Variants in DROSHA observed in about 807,000 individuals in gnomAD.
DROSHA encodes ribonuclease 3.
In DROSHA, 56 loss-of-function variants were observed where a neutral mutation model predicts 181.9. The ratio of observed to expected loss-of-function variants is 0.31; its 90% CI spans 0.25 to 0.38. The LOEUF is 0.38. DROSHA is among the 10% of genes least tolerant of loss of function. DROSHA has a pLI of 1.00. For missense variants in DROSHA, 1,218 were observed against 1,743.5 expected (o/e 0.70, Z 5.37); for synonymous variants, 524 against 591.2 (o/e 0.89, Z 1.65).
At chr5:31,510,066 C>A (rs1564380) in intron 9 of DROSHA, among the ~76,000 whole-genome samples, 68,447 of 120,956 alleles carry the variant, frequency 0.57, 19,973 homozygotes, top group Non-Finnish European at 0.69. Context: ...AAAAAAAAAA[C>A]AGACCTAGAA....
intron 18 of DROSHA, 120 bp downstream of exon 18, chr5:31,467,819 A>G: frequency 7.7e-7 from 1 of 1,306,908 alleles, no homozygotes; most frequent in Non-Finnish European, 1.0e-6. Context: ...AATTGGAAGT[A>G]TGGCTCATTT....
At chr5:31,435,399 T>G (rs1744671210) in intron 25 of DROSHA, among the ~76,000 whole-genome samples, 1 of 152,208 alleles carries the variant, frequency 6.6e-6, no homozygotes, top group Admixed American at 6.5e-5. Flanking sequence ...TAATGTAAAT[T>G]AAAAACAAAT....
chr5:31,458,625 G>T (rs994134234), intron 20 of DROSHA, among the ~76,000 whole-genome samples: 2 of 152,036 alleles, frequency 1.3e-5, no homozygotes, highest in East Asian at 1.9e-4. Flanking sequence ...ACTTAAATCT[G>T]GTCAGTGCTA....
At chr5:31,513,476 C>T (rs566802288) in intron 8 of DROSHA, among the ~76,000 whole-genome samples, 1 of 152,312 alleles carries the variant, frequency 6.6e-6, no homozygotes, top group South Asian at 2.1e-4. Context: ...ACTAAGACAA[C>T]ATGAGAAGCA....
chr5:31,421,429 CAA>C, intron 29 of DROSHA, 52 bp from the exon 30 acceptor site: 1 of 1,370,022 alleles, frequency 7.3e-7, no homozygotes, highest in East Asian at 2.3e-5. Context: ...TATGGATTTC[CAA>C]AAAAACACCC....
intron 13 of DROSHA, among the ~76,000 whole-genome samples, chr5:31,489,270 C>T (rs1046683267): frequency 6.6e-5 from 10 of 152,176 alleles, no homozygotes; most frequent in Non-Finnish European, 1.3e-4. Context: ...TTCTTCCTTG[C>T]TATCATAGGA....
intron 23 of DROSHA, among the ~76,000 whole-genome samples, chr5:31,442,197 T>C (rs1745678298): frequency 6.6e-6 from 1 of 152,246 alleles, no homozygotes; most frequent in Admixed American, 6.5e-5. Context: ...GTCTGCCATT[T>C]ATTAAATAAT....
rs1033359102 is a variant in DROSHA, at chr5:31,511,272, G to A, written c.1291-96C>T. The A allele has an allele frequency of 1.8e-4, 216 of 1,181,424 alleles. No homozygotes were observed. In the African/African-American group the frequency reaches 3.0e-3, roughly 16 times the overall value. The allele number at this position is 1,181,424 out of a possible 1,614,324, so 73.2% of individuals were successfully genotyped here. On this transcript the variant is annotated intron_variant, in intron 8 of 35. Coordinates refer to ENST00000344624, the MANE Select transcript of DROSHA (RefSeq NM_001382508.1). ...ACAGGTAATCAAAGCATTTTTAACAGCAAGATGCTATTTTTCAACCCTAAA... is the reference window on the plus strand; with the variant it reads ...ACAGGTAATCAAAGCATTTTTAACAACAAGATGCTATTTTTCAACCCTAAA...
chr5:31,443,843 G>C (rs150462574), intron 23 of DROSHA, among the ~76,000 whole-genome samples: 11 of 152,274 alleles, frequency 7.2e-5, no homozygotes, highest in African/African-American at 2.4e-4. Flanking sequence ...TGGGATAAAA[G>C]TAGTGTGACG....
intron 25 of DROSHA, 24 bp from the exon 26 acceptor site, chr5:31,431,702 CGT>C: frequency 6.2e-7 from 1 of 1,612,500 alleles, no homozygotes; most frequent in East Asian, 2.2e-5. Flanking sequence ...AATGACAAAA[CGT>C]AAGAAAGAGT....
chr5:31,472,305 T>A lies in DROSHA; in HGVS notation c.2072-73A>T. The A allele has an allele frequency of 3.4e-6, 5 of 1,457,674 alleles. No individual in the cohort carries two copies. In the Admixed American group the frequency reaches 9.8e-5, roughly 28 times the overall value. The allele number at this position is 1,457,674 out of a possible 1,614,324, so 90.3% of individuals were successfully genotyped here. A position where few individuals can be genotyped will look rare whatever the true frequency, so the allele number is the denominator to read the frequency against. On this transcript the variant is annotated intron_variant, in intron 16 of 35. Transcript: ENST00000344624. ...AACTTACAGCAAATCAACAACTGAATAAGGAAAAAAACAAGACAATGGAGG... is the reference window on the plus strand; with the variant it reads ...AACTTACAGCAAATCAACAACTGAAAAAGGAAAAAAACAAGACAATGGAGG...
At chr5:31,526,987 T>G in intron 4 of DROSHA, 75 bp from the exon 5 acceptor site, 2 of 1,363,420 alleles carry the variant, frequency 1.5e-6, no homozygotes, top group Non-Finnish European at 2.0e-6. Flanking sequence ...GTTTCATAAA[T>G]GCCTGACCAT....
At chr5:31,406,966 CATTT>C (rs1740728132) in intron 33 of DROSHA, 21 bp from the exon 34 acceptor site, 1 of 1,603,282 alleles carries the variant, frequency 6.2e-7, no homozygotes, top group South Asian at 1.1e-5. Context: ...AAGGAAAGAA[CATTT>C]ATTATGGTAA....
At chr5:31,450,834 A>C (rs545059657) in intron 21 of DROSHA, among the ~76,000 whole-genome samples, 39 of 152,280 alleles carry the variant, frequency 2.6e-4, no homozygotes, top group African/African-American at 9.4e-4. Context: ...AAAAATTTTA[A>C]AGTGGCCAAA....
intron 30 of DROSHA, among the ~76,000 whole-genome samples, chr5:31,417,954 T>C (rs887299837): frequency 2.6e-5 from 4 of 152,128 alleles, no homozygotes; most frequent in African/African-American, 9.7e-5. Flanking sequence ...TCTGGGCCTC[T>C]TGAAGGATTT....
chr5:31,451,222 T>G (rs1746990661), intron 21 of DROSHA, among the ~76,000 whole-genome samples: 1 of 151,948 alleles, frequency 6.6e-6, no homozygotes, highest in African/African-American at 2.4e-5. Flanking sequence ...AAAAAAAATC[T>G]ACATCTTTCA....
intron 8 of DROSHA, among the ~76,000 whole-genome samples, chr5:31,513,627 T>C (rs1738942636): frequency 1.3e-5 from 2 of 152,202 alleles, no homozygotes; most frequent in Non-Finnish European, 1.5e-5. Flanking sequence ...AAATCCTTTG[T>C]TTCCAAAAAC....
chr5:31,414,371 A>G (rs548893350), intron 30 of DROSHA, among the ~76,000 whole-genome samples: 5 of 152,312 alleles, frequency 3.3e-5, no homozygotes, highest in South Asian at 2.1e-4. Context: ...ATAAACATTA[A>G]GCACCCAATT....
intron 33 of DROSHA, among the ~76,000 whole-genome samples, chr5:31,408,413 A>T (rs983980794): frequency 1.3e-5 from 2 of 152,132 alleles, no homozygotes; most frequent in Admixed American, 1.3e-4. Context: ...TAATCAACCT[A>T]TGTGTGTCTC....
Sources: gnomAD v4.1 joint callset for allele counts (sites outside exome capture counted in the v4.1 genomes callset) on GRCh38, gnomAD v4.1.1 for gene constraint, MANE v1.5 for transcripts, NCBI Gene and HGNC (gene_info 2026-07-23, HGNC 2026-07-21) for gene names.